The following MAG variants were observed in gnomAD, a reference collection of about 807,000 sequenced individuals.
The protein encoded by MAG is myelin-associated glycoprotein.
Under a neutral mutation model 60.7 loss-of-function variants are expected in MAG, and 30 were observed. The ratio of observed to expected loss-of-function variants is 0.49; its 90% CI spans 0.37 to 0.67. The LOEUF (loss-of-function observed/expected upper bound fraction) is 0.67. MAG is among the 30% of genes least tolerant of loss of function. The probability of loss-of-function intolerance (pLI) is 0.00; values close to 1 mark genes in which losing one functional copy is unlikely to be tolerated. For missense variants in MAG, 795 were observed against 851.7 expected, an observed-to-expected ratio of 0.93 and a Z score of 0.83; for synonymous variants, 384 against 376.8, an observed-to-expected ratio of 1.02 and a Z score of -0.22.
chr19:35,295,507 G>A lies in MAG; in HGVS notation c.46+53G>A, dbSNP rs2066389206. 1.2e-6 allele frequency: 2 copies of A among 1,612,332 alleles called. No homozygotes were observed. Among genetic ancestry groups the A allele is most frequent in the Non-Finnish European group, 1.7e-6 (2 of 1,179,226 alleles). On this transcript the variant is annotated intron_variant, in intron 3 of 10. Transcript: ENST00000392213. This position sits in a 1 kb window ranked among gnomAD's most constrained non-coding sequence, Gnocchi z 5.8. ...AAAGGCTTTGGCCCCTGAGCAGGTT[G>A]GAGGTGGGTCCCCGCAGCCCCCCGG...
chr19:35,312,412 C>T (rs757691168), intron 10 of MAG: 6 of 1,249,706 alleles, frequency 4.8e-6, no homozygotes, highest in African/African-American at 4.4e-5. Context: ...CCCTGTCAGG[C>T]GTCAAGGTGG....
Position 35,310,093 on chromosome 19 carries a change from C to T in MAG, c.1451C>T (p.Pro484Leu), listed in dbSNP as rs2066515701. Residue 484 changes from proline to leucine, a missense_variant, in exon 8 of 11, where the codon CCC becomes CTC. Transcript: ENST00000392213. ...LTLRGQAQAP[P>L]RVICTARNLY... The stretch of plus-strand genomic sequence containing the variant: ...CTGCGGGGGCAGGCCCAGGCCCCGC[C>T]CCGCGTCATCTGCACCGCGAGGAAC... 6.2e-7 allele frequency: 1 copy of T among 1,612,764 alleles called. No homozygotes were observed. Among genetic ancestry groups the T allele is most frequent in the Non-Finnish European group, 8.5e-7 (1 of 1,179,544 alleles).
At chr19:35,305,194 T>C (rs1203593457) in intron 7 of MAG, among the ~76,000 whole-genome samples, 1 of 152,176 alleles carries the variant, frequency 6.6e-6, no homozygotes, top group African/African-American at 2.4e-5. Flanking sequence ...TGTGTCAAAG[T>C]GCTTGCCCTT....
In MAG at chr19:35,312,233, C is replaced by T. The variant is rs763933625; in HGVS notation, c.1716+216C>T. On this transcript the variant is annotated intron_variant, in intron 10 of 10. Coordinates refer to ENST00000392213, the MANE Select transcript of MAG (RefSeq NM_002361.4). ...CGATGGGACGTGGGGCCTAAGGGCC[C>T]CCTCCCCTCCCTGCCTGTGTCTGTG... The T allele has an allele frequency of 1.1e-5, 17 of 1,568,476 alleles. No homozygotes were observed. In the South Asian group the frequency reaches 1.6e-4, roughly 14 times the overall value.
rs117445245 is a variant in MAG at position 35,300,578 on chromosome 19, G to A, written c.970+174G>A. Among the ~76,000 whole-genome samples the A allele has an allele frequency of 9.1e-3, 1,393 of 152,316 alleles. 13 individuals carry two copies. The highest frequency in any genetic ancestry group is 0.014 in the Non-Finnish European group (941 of 68,014). On this transcript the variant is annotated intron_variant, in intron 6 of 10. Coordinates refer to ENST00000392213, the MANE Select transcript of MAG (RefSeq NM_002361.4). ...AGGTGTACCTTCATTCTTTCCACAAGAATCTGGGGAACACCTGCTCTGCCT... is the reference window on the plus strand; with the variant it reads ...AGGTGTACCTTCATTCTTTCCACAAAAATCTGGGGAACACCTGCTCTGCCT...
At chr19:35,297,317 AAC>A (rs1386854027) in intron 4 of MAG, among the ~76,000 whole-genome samples, 6 of 100,082 alleles carry the variant, frequency 6.0e-5, no homozygotes, top group Admixed American at 3.0e-4. Flanking sequence ...CACCACACCA[AAC>A]ACACACACCA....
At chr19:35,300,520 C>A in intron 6 of MAG, 116 bp downstream of exon 6, 1 of 1,332,230 alleles carries the variant, frequency 7.5e-7, no homozygotes, top group South Asian at 1.7e-5. Flanking sequence ...CATAAACAGT[C>A]GAGGCCAAGG....
At chr19:35,305,728 T>C (rs1599655048) in intron 7 of MAG, among the ~76,000 whole-genome samples, 1 of 152,098 alleles carries the variant, frequency 6.6e-6, no homozygotes, top group East Asian at 1.9e-4. Context: ...GCTGAGACAG[T>C]TGGATCACTT....
chr19:35,313,103 G>A (rs1238808887), intron 10 of MAG, among the ~76,000 whole-genome samples, 187 bp from the exon 11 acceptor site: 1 of 152,212 alleles, frequency 6.6e-6, no homozygotes, highest in East Asian at 1.9e-4. Flanking sequence ...ATTAACACTG[G>A]CAGAAGCTCC....
At chr19:35,313,173 C>A in intron 10 of MAG, 117 bp from the exon 11 acceptor site, 1 of 1,133,904 alleles carries the variant, frequency 8.8e-7, no homozygotes. Flanking sequence ...AAAGGAGGTT[C>A]TCGCAGGGAT....
chr19:35,299,739 C>G lies in MAG; in HGVS notation c.601C>G (p.Leu201Val), dbSNP rs1383243533. The G allele has an allele frequency of 1.4e-5, 22 of 1,562,098 alleles. No homozygotes were observed. The highest frequency in any genetic ancestry group is 1.7e-5 in the Non-Finnish European group (20 of 1,155,690). The change falls in exon 5 of 11, where the codon CTG becomes GTG. Residue 201 changes from leucine to valine, a missense_variant. Coordinates refer to ENST00000392213, the MANE Select transcript of MAG (RefSeq NM_002361.4). ...CGAGGGCACCTGGGTGCAGGTGTCA[C>G]TGCTGCACTTCGTGCCCACGAGGGA... ...EDEGTWVQVS[L>V]LHFVPTREAN...
intron 4 of MAG, among the ~76,000 whole-genome samples, chr19:35,297,563 C>T (rs1482339098): frequency 7.0e-6 from 1 of 143,824 alleles, no homozygotes. Context: ...ACACACTGCA[C>T]ATACTACCCA....
chr19:35,294,013 C>T (rs867933849), intron 1 of MAG, among the ~76,000 whole-genome samples: 2 of 152,124 alleles, frequency 1.3e-5, no homozygotes, highest in South Asian at 2.1e-4. Context: ...CCGATGCGGT[C>T]GTTCCCCCTT....
rs138800673 is a variant in MAG, at chr19:35,296,623, G to A, written c.415+642G>A. On this transcript the variant is annotated intron_variant, in intron 4 of 10. Transcript: ENST00000392213. Reference sequence around the variant, plus strand: ...CATGGCAATCAGAATAGGGCACACTGCCTGATTTCAGGGATCCCCCTGCCT... The same window carrying A: ...CATGGCAATCAGAATAGGGCACACTACCTGATTTCAGGGATCCCCCTGCCT... 4.7e-3 allele frequency among the ~76,000 whole-genome samples: 711 copies of A among 152,126 alleles called. 7 individuals carry two copies. Among genetic ancestry groups the A allele is most frequent in the African/African-American group, 0.016 (677 of 41,480 alleles).
chr19:35,303,466 C>G lies in MAG; in HGVS notation c.1231+758C>G, dbSNP rs534162250. Among the ~76,000 whole-genome samples the G allele has an allele frequency of 4.6e-5, 7 of 152,310 alleles. No individual in the cohort carries two copies. In the South Asian group the frequency reaches 1.4e-3, roughly 32 times the overall value. On this transcript the variant is annotated intron_variant, in intron 7 of 10. Transcript: ENST00000392213. ...GACCCAGAGAGGTTATGCCACTTGC[C>G]TAAGTTCCCACAGCCAGGAAATGGC...
chr19:35,304,093 G>A (rs745877675), intron 7 of MAG, among the ~76,000 whole-genome samples: 1 of 152,168 alleles, frequency 6.6e-6, no homozygotes, highest in Non-Finnish European at 1.5e-5. Flanking sequence ...TGTACATGGC[G>A]ACAATCAGTA....
At chr19:35,302,806 T>C (rs532290242) in intron 7 of MAG, 98 bp downstream of exon 7, 106 of 1,460,286 alleles carry the variant, frequency 7.3e-5, no homozygotes, top group Non-Finnish European at 4.7e-6. Context: ...GTATTGGCTT[T>C]GCCTGTCCTC....
At position 35,295,568 on chromosome 19, in the gene MAG, G is replaced by A. The variant is rs201355497; in HGVS notation, c.47-45G>A. 1.9e-6 allele frequency: 3 copies of A among 1,592,680 alleles called. No homozygotes were observed. Among genetic ancestry groups the A allele is most frequent in the Non-Finnish European group, 2.6e-6 (3 of 1,169,578 alleles). ...GGGATGGGAGCCGGAGGGGGTGATC[G>A]GGTAGGACGTGTCCCTGAGCCTCAG... On this transcript the variant is annotated intron_variant, in intron 3 of 10. Transcript: ENST00000392213. This position sits in a 1 kb window ranked among gnomAD's most constrained non-coding sequence, Gnocchi z 5.8.
intron 4 of MAG, among the ~76,000 whole-genome samples, chr19:35,297,183 C>T (rs2066404592): frequency 7.6e-6 from 1 of 131,678 alleles, no homozygotes; most frequent in Non-Finnish European, 1.6e-5. Flanking sequence ...ATTACAAAAA[C>T]TCACCACACA....
Sources: gnomAD v4.1 joint callset for allele counts (sites outside exome capture counted in the v4.1 genomes callset) on GRCh38, gnomAD v4.1.1 for gene constraint, Gnocchi (gnomAD v3.1) non-coding constraint, MANE v1.5 for transcripts, NCBI Gene and HGNC (gene_info 2026-07-23, HGNC 2026-07-21) for gene names.